Variants in AHNAK observed in about 807,000 individuals in gnomAD.
The protein encoded by AHNAK is AHNAK nucleoprotein, also known as neuroblast differentiation-associated protein AHNAK.
In AHNAK, 23 loss-of-function variants were observed where a neutral mutation model predicts 37.8. The ratio of observed to expected loss-of-function variants is 0.61; its 90% confidence interval spans 0.44 to 0.86. The LOEUF is 0.86. Among genes scored for constraint, AHNAK ranks in the 40% least tolerant of loss-of-function variants. The pLI, the probability that AHNAK is intolerant of heterozygous loss-of-function variation, is 0.00. For missense variants in AHNAK, 7,411 were observed against 7,319.4 expected, an observed-to-expected ratio of 1.01 and a Z score of -0.46; for synonymous variants, 2,481 against 2,636.3, an observed-to-expected ratio of 0.94 and a Z score of 1.80.
intron 5 of AHNAK, among the ~76,000 whole-genome samples, chr11:62,488,378 C>T (rs77982028): frequency 0.031 from 4,723 of 151,106 alleles, 124 homozygotes; most frequent in Non-Finnish European, 0.042. Flanking sequence ...AGCCAGCCAG[C>T]GGAGCTTGCC....
Position 62,528,941 on chromosome 11 carries a change from C to A in AHNAK, c.5476G>T (p.Val1826Leu), listed in dbSNP as rs116613891. The A allele has an allele frequency of 3.3e-5, 53 of 1,614,166 alleles. No homozygotes were observed. In the East Asian group the frequency reaches 9.6e-4, roughly 29 times the overall value. ...GGACACTCCAGATCAACATCGGGCACCTCCGCTTCCACAAAAGGACCTTTG... is the reference window on the plus strand; with the variant it reads ...GGACACTCCAGATCAACATCGGGCAACTCCGCTTCCACAAAAGGACCTTTG... ...DVKGPFVEAEVPDVDLECPDA... is the reference protein window; with the variant it reads ...DVKGPFVEAELPDVDLECPDA... The change falls in exon 5 of 5, where the codon GTG becomes TTG. Residue 1826 changes from valine to leucine, a missense_variant. Val to Leu is a conservative substitution (Grantham distance 32). Coordinates refer to ENST00000378024, the MANE Select transcript of AHNAK (RefSeq NM_001620.3).
intron 5 of AHNAK, among the ~76,000 whole-genome samples, chr11:62,442,964 G>A (rs1011410921): frequency 5.3e-5 from 8 of 151,970 alleles, no homozygotes; most frequent in Non-Finnish European, 1.2e-4. Context: ...CCTGGCTCGA[G>A]TCTTGCACAT....
chr11:62,471,786 G>A (rs928557093), intron 5 of AHNAK, among the ~76,000 whole-genome samples: 2 of 152,164 alleles, frequency 1.3e-5, no homozygotes, highest in South Asian at 2.1e-4. Flanking sequence ...GCCGGGATGC[G>A]GGTACCCACA....
At chr11:62,483,525 G>C (rs1379337379) in intron 5 of AHNAK, among the ~76,000 whole-genome samples, 1 of 151,744 alleles carries the variant, frequency 6.6e-6, no homozygotes, top group Non-Finnish European at 1.5e-5. Context: ...AGGAGATCGA[G>C]ACCATCCTGG....
At chr11:62,450,144 TTTTA>T (rs869194827) in intron 5 of AHNAK, among the ~76,000 whole-genome samples, 5 of 146,026 alleles carry the variant, frequency 3.4e-5, no homozygotes, top group Admixed American at 2.1e-4. Context: ...ATTTTATTTA[TTTTA>T]TTTATTTACT....
At chr11:62,461,339 T>C (rs966305039) in intron 5 of AHNAK, among the ~76,000 whole-genome samples, 2 of 150,830 alleles carry the variant, frequency 1.3e-5, no homozygotes, top group African/African-American at 2.4e-5. Flanking sequence ...ACAGATGGGG[T>C]TTCACCATGT....
chr11:62,526,656 A>C lies in AHNAK; in HGVS notation c.7761T>G (p.His2587Gln). 6.2e-7 allele frequency: 1 copy of C among 1,609,346 alleles called. No individual in the cohort carries two copies. The highest frequency in any genetic ancestry group is 1.4e-5 in the African/African-American group (1 of 73,340). The change falls in exon 5 of 5, where the codon CAT (histidine) becomes CAG (glutamine). Residue 2587 changes from histidine (H) to glutamine (Q), a missense_variant. Physicochemically the swap from His to Gln is conservative, Grantham distance 24 (BLOSUM62 0). Coordinates refer to ENST00000378024, the MANE Select transcript of AHNAK (RefSeq NM_001620.3). ...PKISMPDFDL[H>Q]LKGPKVKGDV... ...CGCCCTTCACCTTGGGACCTTTCAGATGCAAATCAAAGTCAGGCATGGAGA... is the reference window on the plus strand; with the variant it reads ...CGCCCTTCACCTTGGGACCTTTCAGCTGCAAATCAAAGTCAGGCATGGAGA...
intron 4 of AHNAK, among the ~76,000 whole-genome samples, chr11:62,510,053 T>C (rs1424683714): frequency 7.8e-6 from 1 of 128,364 alleles, no homozygotes; most frequent in Non-Finnish European, 1.8e-5. Context: ...GTTTTGTTTG[T>C]TTGTTTGTTT....
chr11:62,515,375 G>A (rs1939989282), downstream of AHNAK, among the ~76,000 whole-genome samples: 1 of 152,180 alleles, frequency 6.6e-6, no homozygotes, highest in African/African-American at 2.4e-5. Context: ...AAATTAGCCA[G>A]GCGTAGAGGC....
exon 6 of AHNAK, chr11:62,433,550 T>C: frequency 2.8e-6 from 1 of 362,782 alleles, no homozygotes; most frequent in Non-Finnish European, 5.0e-6. Context: ...AACAGATGCT[T>C]GATAAATGTT....
At position 62,530,411 on chromosome 11, in the gene AHNAK, T is replaced by C. The variant is rs575928654; in HGVS notation, c.4006A>G (p.Lys1336Glu). 113 of 1,614,136 alleles carry C rather than the reference T, an allele frequency of 7.0e-5. 1 individual carries two copies. The South Asian group carries it at 1.2e-3, about 17-fold the overall frequency. ...GACACATCCACATCTCCCTTCAATT[T>C]TGGCCCCTTAAGATTCAGGTCCACA... ...PDVDLNLKGP[K>E]LKGDVDVSLP... Residue 1336 changes from lysine to glutamate, a missense_variant, in exon 5 of 5, where the codon AAA becomes GAA. Lys to Glu is a moderately conservative substitution (Grantham distance 56). Coordinates refer to ENST00000378024, the MANE Select transcript of AHNAK (RefSeq NM_001620.3).
At position 62,517,563 on chromosome 11, in the gene AHNAK, A is replaced by G; in HGVS notation, c.16854T>C (p.His5618=). The change falls in exon 5 of 5, where the codon CAT becomes CAC. Residue 5618 remains histidine (H), a synonymous_variant. Transcript: ENST00000378024. ...LDTSKFAGGL[H]FSGPKVEGGV... is the part of the protein sequence containing the mutation. ...CTCCTTCCACCTTTGGTCCTGAGAA[A>G]TGAAGGCCCCCAGCAAACTTAGATG... 1.2e-6 allele frequency: 2 copies of G among 1,614,140 alleles called. No homozygotes were observed. The highest frequency in any genetic ancestry group is 1.7e-6 in the Non-Finnish European group (2 of 1,180,030).
At position 62,519,713 on chromosome 11, in the gene AHNAK, G is replaced by C; in HGVS notation, c.14704C>G (p.Pro4902Ala). ...TCCAGCGATGGCATCTTCAAAGATG[G>C]GCCACTGAGTTTGGCATCAGGGCCT... ...FEGPDAKLSGPSLKMPSLEIS... is the reference protein window; with the variant it reads ...FEGPDAKLSGASLKMPSLEIS... The change falls in exon 5 of 5, where the codon CCA (proline) becomes GCA (alanine). Residue 4902 changes from proline to alanine, a missense_variant. Physicochemically the swap from Pro to Ala is conservative, Grantham distance 27. Transcript: ENST00000378024. 6.2e-7 allele frequency: 1 copy of C among 1,613,978 alleles called. No individual in the cohort carries two copies. The highest frequency in any genetic ancestry group is 1.1e-5 in the South Asian group (1 of 91,036).
intron 4 of AHNAK, among the ~76,000 whole-genome samples, chr11:62,497,505 T>G (rs1939631915): frequency 6.6e-6 from 1 of 152,040 alleles, no homozygotes. Flanking sequence ...TCAAAAAAGG[T>G]GGAGACATGA....
chr11:62,448,351 G>A (rs928895684), intron 5 of AHNAK, among the ~76,000 whole-genome samples: 1 of 152,230 alleles, frequency 6.6e-6, no homozygotes, highest in African/African-American at 2.4e-5. Flanking sequence ...CTGGATGGAA[G>A]AGGAAAGATC....
chr11:62,446,609 T>A (rs552010677), intron 5 of AHNAK, among the ~76,000 whole-genome samples: 19 of 152,054 alleles, frequency 1.2e-4, no homozygotes, highest in Non-Finnish European at 2.1e-4. Context: ...GAGCCCACTG[T>A]CACACAAAGG....
intron 4 of AHNAK, among the ~76,000 whole-genome samples, chr11:62,503,931 C>A (rs1043251382): frequency 1.3e-5 from 2 of 152,138 alleles, no homozygotes; most frequent in South Asian, 2.1e-4. Context: ...GAGGCCGAGG[C>A]GGGTGGATCA....
chr11:62,528,736 G>C lies in AHNAK; in HGVS notation c.5681C>G (p.Pro1894Arg), dbSNP rs759917120. The C allele has an allele frequency of 6.2e-7, 1 of 1,610,610 alleles. No homozygotes were observed. The highest frequency in any genetic ancestry group is 1.7e-5 in the Admixed American group (1 of 59,588). Residue 1894 changes from proline (P) to arginine (R), a missense_variant, in exon 5 of 5, where the codon CCT becomes CGT. Coordinates refer to ENST00000378024, the MANE Select transcript of AHNAK (RefSeq NM_001620.3). ...LTGPSVGVEV[P>R]DVELECPDAK... is the part of the protein sequence containing the mutation. ...ATCAGGACACTCCAGCTCAACATCAGGCACCTCCACACCCACACTGGGGCC... is the reference window on the plus strand; with the variant it reads ...ATCAGGACACTCCAGCTCAACATCACGCACCTCCACACCCACACTGGGGCC...
chr11:62,445,078 A>G (rs1305851055), intron 5 of AHNAK, among the ~76,000 whole-genome samples: 1 of 151,784 alleles, frequency 6.6e-6, no homozygotes, highest in Non-Finnish European at 1.5e-5. Context: ...AGCAAATATG[A>G]CTCCTTCTGA....
Sources: gnomAD v4.1 joint callset for allele counts (sites outside exome capture counted in the v4.1 genomes callset) on GRCh38, gnomAD v4.1.1 for gene constraint, MANE v1.5 for transcripts, NCBI Gene and HGNC (gene_info 2026-07-23, HGNC 2026-07-21) for gene names.